The following SGIP1 variants were observed in gnomAD, a reference collection of about 807,000 sequenced individuals.
SGIP1 encodes the protein SH3GL interacting endocytic adaptor 1.
In SGIP1, 38 loss-of-function variants were observed where a neutral mutation model predicts 107.5. The ratio of observed to expected loss-of-function variants is 0.35; its 90% CI spans 0.27 to 0.46. The LOEUF (loss-of-function observed/expected upper bound fraction) is 0.46, where lower values mean the gene tolerates loss of function less well. SGIP1 is among the 20% of genes least tolerant of loss of function. SGIP1 has a pLI of 1.00. For synonymous variants in SGIP1, 365 were observed against 366.1 expected (o/e 1.00, Z 0.03); for missense variants, 929 against 1,019.5 (o/e 0.91, Z 1.21).
intron 1 of SGIP1, among the ~76,000 whole-genome samples, chr1:66,617,921 G>A (rs1047844925): frequency 2.0e-5 from 3 of 152,242 alleles, no homozygotes; most frequent in East Asian, 3.9e-4. Flanking sequence ...CTGAAGTCAC[G>A]AGGAGCCTGG....
rs2074446514 is a variant in SGIP1, at chr1:66,631,024, AAAGG to A, written c.75-2034_75-2031del. On this transcript the variant is annotated intron_variant, in intron 2 of 24. Transcript: ENST00000371037. ...GAAAGGAAAGGAAGGAAGGGAAAGGAAAGGAAGGAAGGAAGAAAGGAAGAAAGAA... is the reference window on the plus strand; with the variant it reads ...GAAAGGAAAGGAAGGAAGGGAAAGGAAAGGAAGGAAGAAAGGAAGAAAGAA... Among the ~76,000 whole-genome samples the A allele has an allele frequency of 2.2e-5, 3 of 135,104 alleles. 1 individual carries two copies. The highest frequency in any genetic ancestry group is 7.5e-5 in the Admixed American group (1 of 13,294). 88.6% of individuals were successfully genotyped at this position (135,104 alleles called of 152,430 possible).
intron 11 of SGIP1, 31 bp downstream of exon 11, chr1:66,672,026 T>C (rs763913482): frequency 6.7e-5 from 107 of 1,607,334 alleles, no homozygotes; most frequent in Non-Finnish European, 1.3e-5. Context: ...TTGTGTTTTA[T>C]GCAAGGCATC....
chr1:66,714,175 G>A lies in SGIP1; in HGVS notation c.1631-5119G>A, dbSNP rs116769737. Among the ~76,000 whole-genome samples, 561 of 152,088 alleles carry A rather than the reference G, an allele frequency of 3.7e-3. 5 individuals are homozygous for A. The highest frequency in any genetic ancestry group is 0.012 in the African/African-American group (516 of 41,492). On this transcript the variant is annotated intron_variant, in intron 18 of 24. Coordinates refer to ENST00000371037, the MANE Select transcript of SGIP1 (RefSeq NM_032291.4). ...CTATCCTACTTGATGTTCACCATGC[G>A]CCTTTAACATTGATACTATCTTTAT... is the stretch of plus-strand genomic sequence containing the variant.
chr1:66,567,317 G>A (rs2059786910), intron 1 of SGIP1, among the ~76,000 whole-genome samples: 1 of 152,074 alleles, frequency 6.6e-6, no homozygotes, highest in South Asian at 2.1e-4. Context: ...TTTGAAAAGT[G>A]TCTGTTCATA....
intron 4 of SGIP1, 94 bp downstream of exon 4, chr1:66,636,109 C>A (rs543900116): frequency 6.6e-5 from 77 of 1,163,948 alleles, no homozygotes; most frequent in Admixed American, 9.0e-5. Flanking sequence ...CAGTAGTTTT[C>A]ATTTACTCCA....
intron 18 of SGIP1, among the ~76,000 whole-genome samples, chr1:66,709,705 A>G (rs1250195032): frequency 1.3e-5 from 2 of 152,168 alleles, no homozygotes; most frequent in Non-Finnish European, 2.9e-5. Flanking sequence ...GCAGCACTTA[A>G]CAGAAGCTTC....
intron 1 of SGIP1, among the ~76,000 whole-genome samples, chr1:66,559,522 A>G (rs1175345934): frequency 1.3e-5 from 2 of 152,114 alleles, no homozygotes; most frequent in Non-Finnish European, 2.9e-5. Context: ...ATTATTTTAT[A>G]CAACAGAAAG....
chr1:66,606,087 T>A (rs146952896), intron 1 of SGIP1, among the ~76,000 whole-genome samples: 70 of 152,324 alleles, frequency 4.6e-4, no homozygotes, highest in African/African-American at 1.5e-3. Flanking sequence ...CCAGATTTTT[T>A]AAAAATAGGC....
chr1:66,733,103 C>A (rs2094091334), intron 20 of SGIP1, among the ~76,000 whole-genome samples: 1 of 152,152 alleles, frequency 6.6e-6, no homozygotes, highest in Non-Finnish European at 1.5e-5. Context: ...AACTTCTTAG[C>A]TTATAGAGAC....
chr1:66,719,891 C>A (rs544252460), intron 19 of SGIP1, among the ~76,000 whole-genome samples: 4 of 152,100 alleles, frequency 2.6e-5, no homozygotes, highest in African/African-American at 7.2e-5. Context: ...AGCAAGGGAA[C>A]AAATTTTCTG....
chr1:66,588,553 C>T (rs4655629), intron 1 of SGIP1, among the ~76,000 whole-genome samples: 19,926 of 151,376 alleles, frequency 0.13, 1,975 homozygotes, highest in East Asian at 0.46. Context: ...TCTAAAATTA[C>T]TCTATAGTAA....
chr1:66,575,717 G>C (rs2060969727), intron 1 of SGIP1, among the ~76,000 whole-genome samples: 1 of 152,138 alleles, frequency 6.6e-6, no homozygotes, highest in Admixed American at 6.5e-5. Context: ...TGCATGCATA[G>C]TTTGTGGTAA....
At chr1:66,565,391 A>G (rs1351095531) in intron 1 of SGIP1, among the ~76,000 whole-genome samples, 4 of 152,006 alleles carry the variant, frequency 2.6e-5, no homozygotes, top group Non-Finnish European at 4.4e-5. Context: ...CTTTACAAAA[A>G]CTGTCATCAT....
intron 1 of SGIP1, among the ~76,000 whole-genome samples, chr1:66,534,754 A>G (rs2053182189): frequency 6.6e-6 from 1 of 152,248 alleles, no homozygotes; most frequent in African/African-American, 2.4e-5. Flanking sequence ...TGAAATTGAC[A>G]TTAGACAGGA....
At chr1:66,726,384 T>C (rs754040936) in intron 19 of SGIP1, among the ~76,000 whole-genome samples, 2 of 152,136 alleles carry the variant, frequency 1.3e-5, no homozygotes, top group Non-Finnish European at 2.9e-5. Context: ...GACACGGTGA[T>C]TATAAACCTC....
At chr1:66,737,903 A>G (rs951270435) in intron 21 of SGIP1, among the ~76,000 whole-genome samples, 1 of 152,126 alleles carries the variant, frequency 6.6e-6, no homozygotes, top group Admixed American at 6.6e-5. Flanking sequence ...CAGCATGTTT[A>G]GTTTCTGGCC....
rs1557865975 is a variant in SGIP1 at position 66,750,036 on chromosome 1, G to GTGTGT, written c.*6941_*6942insTGTGT. 5.2e-4 allele frequency among the ~76,000 whole-genome samples: 62 copies of GTGTGT among 119,172 alleles called. No homozygotes were observed. The highest frequency in any genetic ancestry group is 1.8e-3 in the African/African-American group (58 of 31,550). 78.2% of individuals were successfully genotyped at this position (119,172 alleles called of 152,430 possible). On this transcript the variant is annotated 3_prime_UTR_variant, in exon 25 of 25. Transcript: ENST00000371037. ...CTCTCTTTCTCTGTGTGTGTGTGGG[G>GTGTGT]GTGTGTGTGTGTGTGTGTGTGTGTG...
At chr1:66,685,707 G>T (rs572235241) in intron 15 of SGIP1, among the ~76,000 whole-genome samples, 1 of 152,122 alleles carries the variant, frequency 6.6e-6, no homozygotes. Flanking sequence ...GTACCTAGCC[G>T]CATGTGGTTA....
At chr1:66,673,884 A>G (rs1394094468) in intron 12 of SGIP1, among the ~76,000 whole-genome samples, 1 of 152,174 alleles carries the variant, frequency 6.6e-6, no homozygotes, top group Non-Finnish European at 1.5e-5. Flanking sequence ...ACTTAGAAAT[A>G]AGGCCAGGTG....
Sources: allele counts gnomAD v4.1 joint callset (sites outside exome capture counted in the v4.1 genomes callset), GRCh38; gene constraint gnomAD v4.1.1; transcripts MANE v1.5; gene names NCBI Gene and HGNC (gene_info 2026-07-23, HGNC 2026-07-21).